CCDC187: variants seen among roughly 807,000 people sequenced by gnomAD.
CCDC187 encodes the protein coiled-coil domain-containing protein 187.
Under a neutral mutation model 38.0 loss-of-function variants are expected in CCDC187, and 32 were observed. The ratio of observed to expected loss-of-function variants is 0.84; its 90% CI spans 0.64 to 1.13. The LOEUF is 1.13. Ranked by LOEUF, CCDC187 falls within the 50% of genes most tolerant of loss-of-function variation. The pLI is 0.00. For missense variants in CCDC187, 707 were observed against 786.8 expected, an observed-to-expected ratio of 0.90 and a Z score of 1.21; for synonymous variants, 333 against 347.9, an observed-to-expected ratio of 0.96 and a Z score of 0.48.
At chr9:136,255,959 G>A (rs1554760246) in intron 24 of CCDC187, among the ~76,000 whole-genome samples, 1 of 152,196 alleles carries the variant, frequency 6.6e-6, no homozygotes, top group East Asian at 1.9e-4. Context: ...TGGCAGAGAG[G>A]GGGGTGGGGC....
rs1363143980 is a variant in CCDC187 at position 136,254,081 on chromosome 9, C to T, written c.5747G>A (p.Arg1916Gln). The T allele has an allele frequency of 2.4e-5, 24 of 985,466 alleles. No individual in the cohort carries two copies. In the East Asian group the frequency reaches 4.5e-4, roughly 19 times the overall value. The allele number at this position is 985,466 out of a possible 1,614,324, so 61.0% of individuals were successfully genotyped here. ...GETSGYQEGT[R>Q]DADPSPSTKS... Reference sequence around the variant, plus strand: ...GGTGGATGGGCTCGGGTCAGCATCCCGGGTTCCCTCCTGGTAGCCAGAAGT... The same window carrying T: ...GGTGGATGGGCTCGGGTCAGCATCCTGGGTTCCCTCCTGGTAGCCAGAAGT... The change falls in exon 26 of 26, where the codon CGG becomes CAG. Residue 1916 changes from arginine (R) to glutamine (Q), a missense_variant. Coordinates refer to ENST00000638797, the MANE Select transcript of CCDC187 (RefSeq NM_001378188.1).
chr9:136,290,725 G>A lies in CCDC187; in HGVS notation c.1888C>T (p.Leu630=). The change falls in exon 6 of 26, where the codon CTG becomes TTG. Residue 630 remains leucine, a synonymous_variant. Coordinates refer to ENST00000638797, the MANE Select transcript of CCDC187 (RefSeq NM_001378188.1). The stretch of plus-strand genomic sequence containing the variant: ...GACTCAGAGCTGTGCGAGGGTCCCA[G>A]GAGCCCCCGGGACCTGGGGCAGGGC... ...LRPCPRSRGL[L]GPSHSSESLR... is the part of the protein sequence containing the mutation. 2.5e-6 allele frequency: 1 copy of A among 398,476 alleles called. No homozygotes were observed. Among genetic ancestry groups the A allele is most frequent in the Non-Finnish European group, 4.4e-6 (1 of 225,930 alleles). 24.7% of individuals were successfully genotyped at this position (398,476 alleles called of 1,614,324 possible). A position where few individuals can be genotyped will look rare whatever the true frequency, so the allele number is the denominator to read the frequency against.
At position 136,251,635 on chromosome 9, in the gene CCDC187, A is replaced by T. The variant is rs1830537430; in HGVS notation, c.*1959T>A. Reference sequence around the variant, plus strand: ...TCTCTTCCTCTCTTGGCCTTCGCTGATCCCCATGACCCCCTTCCTGGCATA... The same window carrying T: ...TCTCTTCCTCTCTTGGCCTTCGCTGTTCCCCATGACCCCCTTCCTGGCATA... On this transcript the variant is annotated 3_prime_UTR_variant, in exon 26 of 26. Coordinates refer to ENST00000638797, the MANE Select transcript of CCDC187 (RefSeq NM_001378188.1). 1 of 156,798 alleles carries T rather than the reference A, an allele frequency of 6.4e-6. No individual in the cohort carries two copies. The highest frequency in any genetic ancestry group is 1.4e-5 in the Non-Finnish European group (1 of 70,462). 9.7% of individuals were successfully genotyped at this position (156,798 alleles called of 1,614,324 possible).
In CCDC187 at chr9:136,252,019, C is replaced by T. The variant is rs1830547343; in HGVS notation, c.*1575G>A. The T allele has an allele frequency of 1.8e-5, 2 of 113,818 alleles. No homozygotes were observed. Among genetic ancestry groups the T allele is most frequent in the Non-Finnish European group, 2.0e-5 (1 of 49,390 alleles). 7.1% of individuals were successfully genotyped at this position (113,818 alleles called of 1,614,324 possible). ...CCACCTGGTCCACCCTGGGAAGAGC[C>T]GGCCGCCCACCCAGTCCACCCTGGG... On this transcript the variant is annotated 3_prime_UTR_variant, in exon 26 of 26. Transcript: ENST00000638797.
intron 23 of CCDC187, 56 bp from the exon 24 acceptor site, chr9:136,256,379 C>G: frequency 3.5e-6 from 3 of 853,384 alleles, no homozygotes; most frequent in Non-Finnish European, 4.2e-6. Flanking sequence ...TCTCTGTCCA[C>G]CTCCCGTAGC....
intron 2 of CCDC187, among the ~76,000 whole-genome samples, chr9:136,301,975 G>A (rs1347305568): frequency 2.0e-5 from 3 of 152,004 alleles, no homozygotes; most frequent in African/African-American, 7.2e-5. Flanking sequence ...ACTTTGGGAG[G>A]CCGAGGTGGG....
At chr9:136,295,260 C>A (rs1332059966) in intron 4 of CCDC187, among the ~76,000 whole-genome samples, 1 of 152,232 alleles carries the variant, frequency 6.6e-6, no homozygotes, top group Non-Finnish European at 1.5e-5. Flanking sequence ...GGCCAGGGAC[C>A]CGCCTGGGGA....
chr9:136,270,993 T>C (rs1830830651), intron 14 of CCDC187, among the ~76,000 whole-genome samples: 1 of 152,246 alleles, frequency 6.6e-6, no homozygotes, highest in South Asian at 2.1e-4. Context: ...TATATCTAAT[T>C]TGTAATATAA....
At chr9:136,275,965 G>T (rs1329670614) in intron 12 of CCDC187, among the ~76,000 whole-genome samples, 1 of 152,142 alleles carries the variant, frequency 6.6e-6, no homozygotes, top group African/African-American at 2.4e-5. Context: ...TCTGGTTCCC[G>T]CTGGGGCACC....
intron 4 of CCDC187, among the ~76,000 whole-genome samples, chr9:136,293,553 TCACA>T (rs1160986020): frequency 1.3e-5 from 2 of 149,120 alleles, no homozygotes; most frequent in African/African-American, 2.5e-5. Flanking sequence ...ACTGACATGC[TCACA>T]CACTGTCACA....
chr9:136,293,670 G>A lies in CCDC187; in HGVS notation c.833-1375C>T, dbSNP rs1181291309. On this transcript the variant is annotated intron_variant, in intron 4 of 25. Transcript: ENST00000638797. Reference sequence around the variant, plus strand: ...CACTCATGCTCACACTCTGTCACACGCATGCCCTCGCACGTGCTGTCACAC... The same window carrying A: ...CACTCATGCTCACACTCTGTCACACACATGCCCTCGCACGTGCTGTCACAC... 1.1e-4 allele frequency among the ~76,000 whole-genome samples: 15 copies of A among 142,680 alleles called. No homozygotes were observed. The South Asian group carries it at 2.2e-3, about 21-fold the overall frequency. 93.6% of individuals were successfully genotyped at this position (142,680 alleles called of 152,430 possible). A position where few individuals can be genotyped will look rare whatever the true frequency, so the allele number is the denominator to read the frequency against.
chr9:136,256,400 CCCT>C (rs1401855341), intron 23 of CCDC187, 77 bp from the exon 24 acceptor site: 3 of 710,560 alleles, frequency 4.2e-6, no homozygotes, highest in Non-Finnish European at 5.2e-6. Context: ...TGGATGGAGC[CCCT>C]GTGCTTCCAG....
intron 22 of CCDC187, 80 bp from the exon 23 acceptor site, chr9:136,256,921 A>C (rs1383679041): frequency 6.6e-6 from 1 of 152,330 alleles, no homozygotes; most frequent in Non-Finnish European, 1.5e-5. Context: ...CCGAAGCCAC[A>C]TAAAACAAAT....
rs36138838 is a variant in CCDC187 at position 136,276,684 on chromosome 9, T to C, written c.3084A>G (p.Gln1028=). 0.78 allele frequency: 117,829 copies of C among 151,972 alleles called. 46,756 individuals are homozygous for C. The highest frequency in any genetic ancestry group is 0.91 in the East Asian group (4,671 of 5,120). 9.4% of individuals were successfully genotyped at this position (151,972 alleles called of 1,614,324 possible). ...DPCVRCLPNT[Q]QKTSSFLDSL... is the part of the protein sequence containing the mutation. ...AATCCAGAAAGCTGGAGGTCTTCTGTTGGGTGTTGGGAAGGCATCTCACAC... is the reference window on the plus strand; with the variant it reads ...AATCCAGAAAGCTGGAGGTCTTCTGCTGGGTGTTGGGAAGGCATCTCACAC... The change falls in exon 11 of 26, where the codon CAA becomes CAG. Residue 1028 remains glutamine, a synonymous_variant. Transcript: ENST00000638797.
chr9:136,291,939 C>A (rs1319809480), intron 5 of CCDC187, among the ~76,000 whole-genome samples: 1 of 152,216 alleles, frequency 6.6e-6, no homozygotes, highest in Non-Finnish European at 1.5e-5. Context: ...GGCGATGGAG[C>A]CTCCCAGGGC....
In CCDC187 at chr9:136,293,330, TACAC is replaced by T. The variant is rs1160180265; in HGVS notation, c.833-1039_833-1036del. ...GTTCACACACTCACACTCACATGCT[TACAC>T]ACTCACACTCACATGCTCACACACA... On this transcript the variant is annotated intron_variant, in intron 4 of 25. Transcript: ENST00000638797. Among the ~76,000 whole-genome samples, 486 of 82,616 alleles carry T rather than the reference TACAC, an allele frequency of 5.9e-3. 9 individuals carry two copies. Among genetic ancestry groups the T allele is most frequent in the African/African-American group, 0.023 (458 of 19,998 alleles). The allele number at this position is 82,616 out of a possible 152,430, so 54.2% of individuals were successfully genotyped here. A position where few individuals can be genotyped will look rare whatever the true frequency, so the allele number is the denominator to read the frequency against.
chr9:136,277,879 C>T (rs976106436), intron 10 of CCDC187, among the ~76,000 whole-genome samples: 4 of 152,188 alleles, frequency 2.6e-5, no homozygotes, highest in South Asian at 2.1e-4. Context: ...GTCCCAGAAC[C>T]GGCAGCTCCT....
chr9:136,300,771 T>C (rs1831659995), intron 2 of CCDC187, among the ~76,000 whole-genome samples: 1 of 152,212 alleles, frequency 6.6e-6, no homozygotes, highest in Non-Finnish European at 1.5e-5. Flanking sequence ...CTAATTTTTT[T>C]GTATTTTTAG....
intron 4 of CCDC187, among the ~76,000 whole-genome samples, chr9:136,293,389 G>C (rs1184805203): frequency 8.8e-6 from 1 of 113,088 alleles, no homozygotes; most frequent in South Asian, 2.9e-4. Context: ...ACACTCACAT[G>C]CTCACACACT....
Sources: allele counts gnomAD v4.1 joint callset (sites outside exome capture counted in the v4.1 genomes callset), GRCh38; gene constraint gnomAD v4.1.1; transcripts MANE v1.5; gene names NCBI Gene and HGNC (gene_info 2026-07-23, HGNC 2026-07-21).